Variants in ADAMTSL1 observed in about 807,000 individuals in gnomAD.
The protein encoded by ADAMTSL1 is ADAMTS-like protein 1.
A neutral mutation model predicts 201.8 loss-of-function variants in ADAMTSL1; 126 were observed. The ratio of observed to expected loss-of-function variants is 0.62; its 90% CI spans 0.54 to 0.72. The LOEUF (loss-of-function observed/expected upper bound fraction) is 0.72, where lower values mean the gene tolerates loss of function less well. Among genes scored for constraint, ADAMTSL1 ranks in the 30% least tolerant of loss-of-function variants. The pLI is 0.00. For missense variants in ADAMTSL1, 2,679 were observed against 2,277.8 expected (o/e 1.18, Z -3.59); for synonymous variants, 1,121 against 903.4 (o/e 1.24, Z -4.32).
intron 1 of ADAMTSL1, among the ~76,000 whole-genome samples, chr9:17,921,936 C>A (rs755163377): frequency 6.6e-6 from 1 of 152,058 alleles, no homozygotes; most frequent in African/African-American, 2.4e-5. Context: ...AGAGATACAG[C>A]ACAGAAATAT....
chr9:17,919,642 T>C (rs1248364812), intron 1 of ADAMTSL1, among the ~76,000 whole-genome samples: 1 of 152,130 alleles, frequency 6.6e-6, no homozygotes, highest in East Asian at 1.9e-4. Context: ...TTGTAGCATA[T>C]ATCAGTACTT....
At chr9:18,006,589 C>T (rs1356425883) in intron 1 of ADAMTSL1, among the ~76,000 whole-genome samples, 6 of 151,842 alleles carry the variant, frequency 4.0e-5, no homozygotes, top group Admixed American at 1.3e-4. Flanking sequence ...AAGTTAGTTA[C>T]GCATGTGAAA....
intron 2 of ADAMTSL1, among the ~76,000 whole-genome samples, chr9:18,302,864 T>C (rs2132738441): frequency 6.6e-6 from 1 of 152,332 alleles, no homozygotes; most frequent in South Asian, 2.1e-4. Context: ...GGCTTTTATA[T>C]TTTGGTTGTT....
intron 1 of ADAMTSL1, among the ~76,000 whole-genome samples, chr9:18,007,155 A>G (rs1292612093): frequency 2.0e-5 from 3 of 152,036 alleles, no homozygotes; most frequent in Non-Finnish European, 2.9e-5. Flanking sequence ...AGTGTTGTTA[A>G]CACAGTTTAA....
At chr9:18,169,306 G>A (rs1827784108) in intron 2 of ADAMTSL1, among the ~76,000 whole-genome samples, 1 of 151,832 alleles carries the variant, frequency 6.6e-6, no homozygotes, top group African/African-American at 2.4e-5. Context: ...TTTTGTATAA[G>A]GTGTAAGGAA....
At chr9:18,227,837 A>G (rs546074311) in intron 2 of ADAMTSL1, among the ~76,000 whole-genome samples, 19 of 152,320 alleles carry the variant, frequency 1.2e-4, no homozygotes, top group Non-Finnish European at 2.1e-4. Flanking sequence ...AAAAGGCATA[A>G]TTCATTGCCC....
intron 7 of ADAMTSL1, among the ~76,000 whole-genome samples, chr9:18,653,326 G>A (rs702203): frequency 0.62 from 94,690 of 152,010 alleles, 29,700 homozygotes; most frequent in East Asian, 0.78. Flanking sequence ...CAATCCTTCA[G>A]GAAGGCTACA....
intron 1 of ADAMTSL1, among the ~76,000 whole-genome samples, chr9:18,082,547 TAAG>T (rs1823550331): frequency 6.6e-6 from 1 of 152,136 alleles, no homozygotes; most frequent in Non-Finnish European, 1.5e-5. Flanking sequence ...TTCAGCTTCT[TAAG>T]GACACCTTAA....
intron 14 of ADAMTSL1, among the ~76,000 whole-genome samples, chr9:18,708,194 T>C (rs1266087195): frequency 2.0e-5 from 3 of 152,210 alleles, no homozygotes; most frequent in African/African-American, 2.4e-5. Flanking sequence ...TTTGTCATGA[T>C]TGAGAACGTA....
intron 2 of ADAMTSL1, among the ~76,000 whole-genome samples, chr9:18,260,721 G>A (rs1000311912): frequency 6.6e-6 from 1 of 152,186 alleles, no homozygotes; most frequent in South Asian, 2.1e-4. Context: ...ATCTGCCAGT[G>A]TGGTCCCTCT....
intron 4 of ADAMTSL1, among the ~76,000 whole-genome samples, chr9:18,592,772 T>A (rs1824008572): frequency 6.6e-6 from 1 of 152,208 alleles, no homozygotes; most frequent in Admixed American, 6.5e-5. Context: ...TCTTTGGTAT[T>A]TTGACAGAGA....
intron 1 of ADAMTSL1, among the ~76,000 whole-genome samples, chr9:18,160,815 G>T (rs1190783997): frequency 6.7e-6 from 1 of 150,330 alleles, no homozygotes; most frequent in Non-Finnish European, 1.5e-5. Context: ...GAGTAGCTGG[G>T]ACTACCTGCA....
At chr9:17,965,301 G>A (rs1295787636) in intron 1 of ADAMTSL1, among the ~76,000 whole-genome samples, 2 of 152,068 alleles carry the variant, frequency 1.3e-5, no homozygotes, top group African/African-American at 4.8e-5. Flanking sequence ...AAAAGAAGAA[G>A]AAATATGATA....
chr9:18,353,203 T>C (rs1358023187), intron 2 of ADAMTSL1, among the ~76,000 whole-genome samples: 2 of 152,234 alleles, frequency 1.3e-5, no homozygotes, highest in African/African-American at 4.8e-5. Flanking sequence ...ATATTATTTG[T>C]AGTGCTTCTT....
intron 1 of ADAMTSL1, among the ~76,000 whole-genome samples, chr9:17,996,564 G>A (rs1586870919): frequency 6.6e-6 from 1 of 152,020 alleles, no homozygotes; most frequent in Non-Finnish European, 1.5e-5. Flanking sequence ...GGTTTTGAGA[G>A]GTCATCAGAG....
intron 3 of ADAMTSL1, among the ~76,000 whole-genome samples, chr9:18,562,254 A>G (rs1272200357): frequency 3.3e-5 from 5 of 152,094 alleles, no homozygotes; most frequent in Non-Finnish European, 7.4e-5. Flanking sequence ...TTGTCTGTAA[A>G]GGATTTTATT....
At chr9:18,315,039 G>A (rs1050771473) in intron 2 of ADAMTSL1, among the ~76,000 whole-genome samples, 9 of 151,710 alleles carry the variant, frequency 5.9e-5, no homozygotes, top group East Asian at 2.0e-4. Flanking sequence ...CTCGTGATCC[G>A]CCCGCCTCGG....
chr9:18,901,835 A>C lies in ADAMTSL1; in HGVS notation c.4852-3947A>C, dbSNP rs150240231. Among the ~76,000 whole-genome samples the C allele has an allele frequency of 7.2e-5, 11 of 152,326 alleles. No homozygotes were observed. In the East Asian group the frequency reaches 2.1e-3, roughly 29 times the overall value. Reference sequence around the variant, plus strand: ...ATCAGTAATTACTTTAAAGGAATCAAACCCCCAAAGGCATAGATTGGCCTA... The same window carrying C: ...ATCAGTAATTACTTTAAAGGAATCACACCCCCAAAGGCATAGATTGGCCTA... On this transcript the variant is annotated intron_variant, in intron 26 of 28. Coordinates refer to ENST00000380548, the MANE Select transcript of ADAMTSL1 (RefSeq NM_001040272.6).
chr9:18,206,445 AG>A (rs1256303781), intron 2 of ADAMTSL1, among the ~76,000 whole-genome samples: 6 of 152,086 alleles, frequency 3.9e-5, no homozygotes, highest in African/African-American at 1.4e-4. Context: ...TGAAGCTATC[AG>A]CAAAAACCTT....
Sources: allele counts gnomAD v4.1 joint callset (sites outside exome capture counted in the v4.1 genomes callset), GRCh38; gene constraint gnomAD v4.1.1; transcripts MANE v1.5; gene names NCBI Gene and HGNC (gene_info 2026-07-23, HGNC 2026-07-21).